Variants in EML1 observed in about 807,000 individuals in gnomAD.
EML1 encodes the protein EMAP like 1.
In EML1, 27 loss-of-function variants were observed where a neutral mutation model predicts 110.4. The ratio of observed to expected loss-of-function variants is 0.24; its 90% CI spans 0.18 to 0.34. The LOEUF is 0.34. Ranked by LOEUF, EML1 falls within the 10% of genes least tolerant of loss-of-function variation. The pLI is 1.00. For missense variants in EML1, 741 were observed against 1,030.9 expected, an observed-to-expected ratio of 0.72 and a Z score of 3.85; for synonymous variants, 344 against 385.8, an observed-to-expected ratio of 0.89 and a Z score of 1.27.
At chr14:99,823,495 T>G (rs1470674822) in intron 1 of EML1, among the ~76,000 whole-genome samples, 1 of 152,024 alleles carries the variant, frequency 6.6e-6, no homozygotes, top group Non-Finnish European at 1.5e-5. Context: ...GGATAAAGTA[T>G]CAAATAATAC....
intron 9 of EML1, among the ~76,000 whole-genome samples, chr14:99,906,104 C>T (rs146473481): frequency 6.6e-5 from 10 of 152,204 alleles, no homozygotes; most frequent in Non-Finnish European, 1.5e-4. Context: ...CTGTGGTCTC[C>T]AGAAAGATGT....
At chr14:99,811,372 G>T (rs2058076674) in intron 1 of EML1, among the ~76,000 whole-genome samples, 1 of 147,992 alleles carries the variant, frequency 6.8e-6, no homozygotes, top group East Asian at 1.9e-4. Context: ...ACTCCTCAAA[G>T]TCTTAACTAC....
rs1262759394 is a variant in EML1 at position 99,927,886 on chromosome 14, T to TGGG, written c.1909+7011_1909+7012insGGG. Among the ~76,000 whole-genome samples the TGGG allele has an allele frequency of 3.0e-4, 6 of 20,144 alleles. 1 individual carries two copies. Among genetic ancestry groups the TGGG allele is most frequent in the Admixed American group, 5.1e-4 (1 of 1,968 alleles). 13.2% of individuals were successfully genotyped at this position (20,144 alleles called of 152,430 possible). A position where few individuals can be genotyped will look rare whatever the true frequency, so the allele number is the denominator to read the frequency against. ...GTGGTAGTAGTGGTGGCGGTGGTGG[T>TGGG]GGTGGTGGTGGTGGTGGTGGTGGTG... On this transcript the variant is annotated intron_variant, in intron 17 of 21. Coordinates refer to ENST00000262233, the MANE Select transcript of EML1 (RefSeq NM_004434.3).
At chr14:99,843,480 A>G (rs536363350) in intron 1 of EML1, among the ~76,000 whole-genome samples, 1 of 152,332 alleles carries the variant, frequency 6.6e-6, no homozygotes, top group East Asian at 1.9e-4. Flanking sequence ...TACATGCACT[A>G]TATGCAAAAA....
chr14:99,882,305 G>C (rs2059398541), intron 4 of EML1, among the ~76,000 whole-genome samples: 1 of 152,166 alleles, frequency 6.6e-6, no homozygotes, highest in Non-Finnish European at 1.5e-5. Context: ...ATACCTGATA[G>C]AAAATTGGCT....
chr14:99,904,636 A>G (rs1265964036), intron 9 of EML1, among the ~76,000 whole-genome samples: 1 of 152,258 alleles, frequency 6.6e-6, no homozygotes, highest in African/African-American at 2.4e-5. Flanking sequence ...CAGAAAATAA[A>G]GGACTCATTC....
Position 99,874,655 on chromosome 14 carries a change from G to A in EML1, c.384-3830G>A, listed in dbSNP as rs532150413. Among the ~76,000 whole-genome samples the A allele has an allele frequency of 2.6e-5, 4 of 152,200 alleles. No homozygotes were observed. The South Asian group carries it at 8.3e-4, about 32-fold the overall frequency. ...CCTCTTTAATTCATAAGAGCCCTTGGTTCTCAAAAGGAAATGTCTTGTTTT... is the reference window on the plus strand; with the variant it reads ...CCTCTTTAATTCATAAGAGCCCTTGATTCTCAAAAGGAAATGTCTTGTTTT... On this transcript the variant is annotated intron_variant, in intron 3 of 21. Transcript: ENST00000262233.
chr14:99,880,192 C>T (rs2059361682), intron 4 of EML1, among the ~76,000 whole-genome samples: 1 of 152,130 alleles, frequency 6.6e-6, no homozygotes, highest in Non-Finnish European at 1.5e-5. Context: ...GTGGTTGAGG[C>T]GAGCATAGCA....
intron 20 of EML1, among the ~76,000 whole-genome samples, chr14:99,938,801 A>G (rs2140140963): frequency 6.6e-6 from 1 of 152,366 alleles, no homozygotes; most frequent in South Asian, 2.1e-4. Context: ...GTAGAGTTAC[A>G]GCAATAACAA....
chr14:99,890,126 G>A (rs1219589141), intron 4 of EML1, among the ~76,000 whole-genome samples: 1 of 152,136 alleles, frequency 6.6e-6, no homozygotes, highest in Admixed American at 6.5e-5. Flanking sequence ...TCAAGTTTTT[G>A]TTTTAAATAC....
At chr14:99,895,785 A>T (rs2059662289) in intron 6 of EML1, among the ~76,000 whole-genome samples, 1 of 150,434 alleles carries the variant, frequency 6.6e-6, no homozygotes, top group Non-Finnish European at 1.5e-5. Flanking sequence ...AAAACTAGCT[A>T]CAGGGATGCA....
intron 9 of EML1, among the ~76,000 whole-genome samples, chr14:99,904,255 C>T (rs1448917762): frequency 6.6e-6 from 1 of 152,138 alleles, no homozygotes; most frequent in African/African-American, 2.4e-5. Flanking sequence ...TAACTTTAGC[C>T]AATATGTTCA....
At chr14:99,845,152 G>C (rs1289527569) in intron 1 of EML1, among the ~76,000 whole-genome samples, 1 of 151,530 alleles carries the variant, frequency 6.6e-6, no homozygotes, top group Non-Finnish European at 1.5e-5. Flanking sequence ...TGTTTCATTT[G>C]CTCCATATTC....
intron 1 of EML1, among the ~76,000 whole-genome samples, chr14:99,786,272 T>A (rs2057599104): frequency 6.6e-6 from 1 of 152,074 alleles, no homozygotes; most frequent in Non-Finnish European, 1.5e-5. Context: ...AGCAACAATG[T>A]CACATGATGG....
intron 1 of EML1, among the ~76,000 whole-genome samples, chr14:99,753,573 G>A (rs2140176645): frequency 6.6e-6 from 1 of 152,076 alleles, no homozygotes; most frequent in Non-Finnish European, 1.5e-5. Flanking sequence ...GGCAGGGAGG[G>A]GCCTCCTCTG....
chr14:99,912,835 T>C (rs1442749528), intron 13 of EML1, among the ~76,000 whole-genome samples: 1 of 152,256 alleles, frequency 6.6e-6, no homozygotes, highest in Non-Finnish European at 1.5e-5. Flanking sequence ...CACTGTTTGT[T>C]AGTATCTGAT....
intron 1 of EML1, among the ~76,000 whole-genome samples, chr14:99,753,614 G>T (rs7161406): frequency 0.057 from 8,705 of 152,108 alleles, 527 homozygotes; most frequent in African/African-American, 0.16. Context: ...AGCCTCCATC[G>T]CTCGTGAGGT....
intron 1 of EML1, among the ~76,000 whole-genome samples, chr14:99,807,412 G>A (rs1284130824): frequency 6.6e-6 from 1 of 152,210 alleles, no homozygotes; most frequent in African/African-American, 2.4e-5. Context: ...GGAAGCAATG[G>A]TGCCCTCAAT....
chr14:99,856,954 T>C (rs976546501), intron 2 of EML1, among the ~76,000 whole-genome samples: 1 of 152,230 alleles, frequency 6.6e-6, no homozygotes, highest in Admixed American at 6.5e-5. Context: ...TCAGTATGTA[T>C]TTCTAAGATA....
Sources: gnomAD v4.1 joint callset for allele counts (sites outside exome capture counted in the v4.1 genomes callset) on GRCh38, gnomAD v4.1.1 for gene constraint, MANE v1.5 for transcripts, NCBI Gene and HGNC (gene_info 2026-07-23, HGNC 2026-07-21) for gene names.